The following EXOC6B variants were observed in gnomAD, a reference collection of about 807,000 sequenced individuals.
The protein encoded by EXOC6B is exocyst complex component 6B.
Under a neutral mutation model 113.5 loss-of-function variants are expected in EXOC6B, and 54 were observed. The observed-to-expected ratio is 0.48, with a 90% confidence interval of 0.38 to 0.60. The LOEUF (loss-of-function observed/expected upper bound fraction) is 0.60, where lower values mean the gene tolerates loss of function less well. Ranked by LOEUF, EXOC6B falls within the 20% of genes least tolerant of loss-of-function variation. The probability of loss-of-function intolerance (pLI) is 0.00; values close to 1 mark genes in which losing one functional copy is unlikely to be tolerated. For synonymous variants in EXOC6B, 357 were observed against 339.0 expected (o/e 1.05, Z -0.58); for missense variants, 797 against 977.5 (o/e 0.82, Z 2.46).
chr2:72,468,965 G>T (rs1450561607), intron 17 of EXOC6B, among the ~76,000 whole-genome samples: 1 of 151,930 alleles, frequency 6.6e-6, no homozygotes, highest in African/African-American at 2.4e-5. Flanking sequence ...AGTGTTTTAG[G>T]TTTAAAGAAA....
At chr2:72,257,375 C>A (rs1319430038) in intron 20 of EXOC6B, among the ~76,000 whole-genome samples, 2 of 152,108 alleles carry the variant, frequency 1.3e-5, no homozygotes, top group Non-Finnish European at 1.5e-5. Context: ...TTTTTCTTCC[C>A]TGAATTTAAT....
At chr2:72,763,248 ATAAT>A (rs1354532931) in intron 1 of EXOC6B, among the ~76,000 whole-genome samples, 2 of 152,078 alleles carry the variant, frequency 1.3e-5, no homozygotes, top group Non-Finnish European at 2.9e-5. Context: ...TGTTTTCTTT[ATAAT>A]TAATTGAGTA....
intron 1 of EXOC6B, among the ~76,000 whole-genome samples, chr2:72,760,044 G>A (rs1238897276): frequency 6.6e-6 from 1 of 152,162 alleles, no homozygotes; most frequent in African/African-American, 2.4e-5. Context: ...AAAACCAAGT[G>A]AGATAAATTT....
At chr2:72,731,371 A>G in intron 3 of EXOC6B, 126 bp from the exon 4 acceptor site, 2 of 699,146 alleles carry the variant, frequency 2.9e-6, no homozygotes, top group South Asian at 3.6e-5. Context: ...AGACCTGCCA[A>G]GTGAACTAAG....
chr2:72,203,810 A>G (rs1357970446), intron 20 of EXOC6B, among the ~76,000 whole-genome samples: 2 of 152,182 alleles, frequency 1.3e-5, no homozygotes, highest in African/African-American at 4.8e-5. Context: ...TGGACCATCA[A>G]GATATTGAGA....
chr2:72,813,774 T>C (rs1686056492), intron 1 of EXOC6B, among the ~76,000 whole-genome samples: 1 of 152,342 alleles, frequency 6.6e-6, no homozygotes, highest in African/African-American at 2.4e-5. Context: ...CTTTAGAATT[T>C]CATTGTTTAT....
chr2:72,626,429 A>G (rs1214129030), intron 6 of EXOC6B, among the ~76,000 whole-genome samples: 1 of 152,182 alleles, frequency 6.6e-6, no homozygotes, highest in African/African-American at 2.4e-5. Flanking sequence ...TTTTAGAGGT[A>G]TCTTCTCTAG....
chr2:72,207,484 T>A (rs1383312638), intron 20 of EXOC6B, among the ~76,000 whole-genome samples: 1 of 152,190 alleles, frequency 6.6e-6, no homozygotes, highest in African/African-American at 2.4e-5. Context: ...ATTGAAATAG[T>A]TAATTCACGC....
chr2:72,266,729 G>C (rs1355789752), intron 20 of EXOC6B, among the ~76,000 whole-genome samples: 1 of 152,174 alleles, frequency 6.6e-6, no homozygotes, highest in African/African-American at 2.4e-5. Flanking sequence ...GATTGACTTG[G>C]TGATGCGGGC....
chr2:72,334,850 A>T, intron 20 of EXOC6B, 97 bp downstream of exon 20: 1 of 1,173,718 alleles, frequency 8.5e-7, no homozygotes, highest in Non-Finnish European at 1.3e-6. Context: ...TGAATCGCCA[A>T]CGCCAATCCC....
intron 6 of EXOC6B, among the ~76,000 whole-genome samples, chr2:72,672,724 T>G (rs752185065): frequency 9.9e-5 from 15 of 152,110 alleles, no homozygotes; most frequent in Non-Finnish European, 1.8e-4. Context: ...AAATATCACA[T>G]GTTCTCACTC....
Position 72,492,395 on chromosome 2 carries a change from T to A in EXOC6B, c.1588A>T (p.Thr530Ser), listed in dbSNP as rs767304107. Reference sequence around the variant, plus strand: ...AGAGTCCTGGTTAGCAACAGGTTTGTTGATTTCCGAATCATGTCATCAACT... The same window carrying A: ...AGAGTCCTGGTTAGCAACAGGTTTGATGATTTCCGAATCATGTCATCAACT... ...TEVDDMIRKSTNLLLTRTLSN... is the reference protein window; with the variant it reads ...TEVDDMIRKSSNLLLTRTLSN... Residue 530 changes from threonine to serine, a missense_variant, in exon 16 of 22, where the codon ACA becomes TCA. Transcript: ENST00000272427. The A allele has an allele frequency of 6.2e-7, 1 of 1,612,808 alleles. No individual in the cohort carries two copies. The highest frequency in any genetic ancestry group is 8.5e-7 in the Non-Finnish European group (1 of 1,179,062).
chr2:72,196,491 G>C (rs944301134), intron 20 of EXOC6B, among the ~76,000 whole-genome samples: 4 of 152,124 alleles, frequency 2.6e-5, no homozygotes, highest in African/African-American at 9.7e-5. Context: ...AATCAATTTT[G>C]TTTACTTGGA....
intron 20 of EXOC6B, among the ~76,000 whole-genome samples, chr2:72,247,549 T>C (rs1340519219): frequency 6.6e-6 from 1 of 152,230 alleles, no homozygotes; most frequent in South Asian, 2.1e-4. Context: ...TGTGATGAAC[T>C]GATGGTGTGT....
intron 20 of EXOC6B, among the ~76,000 whole-genome samples, chr2:72,303,164 A>T (rs1194257425): frequency 1.3e-5 from 2 of 152,074 alleles, no homozygotes; most frequent in East Asian, 3.9e-4. Context: ...CTTCTGGCTT[A>T]TAGGGTTTCT....
chr2:72,264,399 C>A (rs943593333), intron 20 of EXOC6B, among the ~76,000 whole-genome samples: 1 of 151,982 alleles, frequency 6.6e-6, no homozygotes, highest in African/African-American at 2.4e-5. Context: ...GGTGAAACCC[C>A]GTCTCTACAA....
At chr2:72,532,096 C>G (rs1702036549) in intron 8 of EXOC6B, among the ~76,000 whole-genome samples, 1 of 152,134 alleles carries the variant, frequency 6.6e-6, no homozygotes, top group Non-Finnish European at 1.5e-5. Flanking sequence ...TGAAATATCA[C>G]CCCAGGATCA....
At chr2:72,613,243 T>C (rs376917593) in intron 6 of EXOC6B, among the ~76,000 whole-genome samples, 16 of 152,238 alleles carry the variant, frequency 1.1e-4, no homozygotes, top group African/African-American at 3.1e-4. Context: ...AACAGGGTCA[T>C]AATCATCCTT....
intron 6 of EXOC6B, among the ~76,000 whole-genome samples, chr2:72,611,452 C>T (rs1398388572): frequency 6.6e-6 from 1 of 151,678 alleles, no homozygotes; most frequent in East Asian, 1.9e-4. Flanking sequence ...GACATGATAA[C>T]TAAATAATGT....
Sources: allele counts gnomAD v4.1 joint callset (sites outside exome capture counted in the v4.1 genomes callset), GRCh38; gene constraint gnomAD v4.1.1; transcripts MANE v1.5; gene names NCBI Gene and HGNC (gene_info 2026-07-23, HGNC 2026-07-21).